DIAPH2: variants seen among roughly 807,000 people sequenced by gnomAD.
The protein encoded by DIAPH2 is protein diaphanous homolog 2.
A neutral mutation model predicts 92.7 loss-of-function variants in DIAPH2; 35 were observed. That is an observed-to-expected ratio of 0.38 (90% CI 0.29 to 0.50). The LOEUF (loss-of-function observed/expected upper bound fraction) is 0.50. Ranked by LOEUF, DIAPH2 falls within the 20% of genes least tolerant of loss-of-function variation. The pLI is 0.94. For synonymous variants in DIAPH2, 301 were observed against 280.4 expected, an observed-to-expected ratio of 1.07 and a Z score of -0.73; for missense variants, 701 against 819.5, an observed-to-expected ratio of 0.86 and a Z score of 1.77.
At chrX:97,132,703 A>G (rs906816740) in intron 21 of DIAPH2, among the ~76,000 whole-genome samples, 14 of 112,035 alleles carry the variant, frequency 1.2e-4, no homozygotes, top group Non-Finnish European at 2.3e-4. Flanking sequence ...TATAATAGGG[A>G]AAAAGGAAGC....
chrX:96,978,147 A>G (rs1418774072), intron 17 of DIAPH2, among the ~76,000 whole-genome samples: 8 of 111,995 alleles, frequency 7.1e-5, no homozygotes, highest in Non-Finnish European at 1.1e-4. Context: ...TATAAGAAGA[A>G]TAAGAGATTT....
intron 26 of DIAPH2, among the ~76,000 whole-genome samples, chrX:97,546,885 G>A (rs1261277909): frequency 6.3e-5 from 7 of 111,113 alleles, no homozygotes; most frequent in African/African-American, 2.3e-4. Flanking sequence ...TAAGGTGGAA[G>A]AGTGTATTTC....
intron 22 of DIAPH2, among the ~76,000 whole-genome samples, chrX:97,196,006 T>C (rs934250405): frequency 8.9e-6 from 1 of 111,900 alleles, no homozygotes; most frequent in Non-Finnish European, 1.9e-5. Flanking sequence ...AAGCATTCTT[T>C]GCAAGATTTA....
chrX:96,690,195 A>C (rs1408841584), intron 1 of DIAPH2, among the ~76,000 whole-genome samples: 1 of 110,757 alleles, frequency 9.0e-6, no homozygotes, highest in Non-Finnish European at 1.9e-5. Flanking sequence ...GTAACATTTT[A>C]CTCTTATTAG....
chrX:96,745,080 C>T (rs1371832720), intron 3 of DIAPH2, among the ~76,000 whole-genome samples: 2 of 106,322 alleles, frequency 1.9e-5, no homozygotes, highest in Non-Finnish European at 3.9e-5. Context: ...GATCTTGGTT[C>T]ATTGCAACCT....
chrX:96,768,104 T>C (rs947070427), intron 4 of DIAPH2, among the ~76,000 whole-genome samples: 1 of 112,378 alleles, frequency 8.9e-6, no homozygotes, highest in Non-Finnish European at 1.9e-5. Context: ...AGAAAACAGC[T>C]AAAATGATTG....
At chrX:97,231,364 C>A (rs370270703) in intron 22 of DIAPH2, among the ~76,000 whole-genome samples, 1 of 108,115 alleles carries the variant, frequency 9.2e-6, no homozygotes, top group East Asian at 2.9e-4. Context: ...ATAGTTCAGT[C>A]ATCTCTTAAC....
chrX:96,785,475 C>CTTTTTTTTTTTTTTT lies in DIAPH2; in HGVS notation c.447+27225_447+27239dup, dbSNP rs1157552270. 7.0e-5 allele frequency among the ~76,000 whole-genome samples: 4 copies of CTTTTTTTTTTTTTTT among 57,203 alleles called. 1 individual carries two copies. The highest frequency in any genetic ancestry group is 1.6e-3 in the East Asian group (2 of 1,261). 49.7% of individuals were successfully genotyped at this position (57,203 alleles called of 115,157 possible). A position where few individuals can be genotyped will look rare whatever the true frequency, so the allele number is the denominator to read the frequency against. On this transcript the variant is annotated intron_variant, in intron 4 of 26. Transcript: ENST00000324765. ...AGAGACAAAAGGTGGCCAAACTTGC[C>CTTTTTTTTTTTTTTT]TTTTTTTTTTTTTTTTTTTTTTGGA...
At chrX:96,830,494 C>T (rs2064845456) in intron 4 of DIAPH2, among the ~76,000 whole-genome samples, 2 of 100,410 alleles carry the variant, frequency 2.0e-5, no homozygotes, top group South Asian at 4.9e-4. Context: ...TGACGTGAAC[C>T]CAGGAGGCGG....
chrX:97,172,525 A>G (rs775048934), intron 22 of DIAPH2, among the ~76,000 whole-genome samples: 21 of 111,987 alleles, frequency 1.9e-4, no homozygotes, highest in Non-Finnish European at 3.9e-4. Context: ...TCCTTTTCAA[A>G]TATTATACTC....
chrX:96,841,760 G>C (rs1359868039), intron 4 of DIAPH2, among the ~76,000 whole-genome samples: 1 of 112,125 alleles, frequency 8.9e-6, no homozygotes, highest in Non-Finnish European at 1.9e-5. Context: ...TGTCATGCGT[G>C]TCCCTGTGAA....
intron 26 of DIAPH2, among the ~76,000 whole-genome samples, chrX:97,497,651 C>T (rs1185638791): frequency 9.1e-6 from 1 of 110,319 alleles, no homozygotes; most frequent in East Asian, 2.8e-4. Context: ...ACTAAGAATA[C>T]AAAAATTAGC....
At chrX:97,571,619 G>A (rs1216343511) in intron 26 of DIAPH2, among the ~76,000 whole-genome samples, 2 of 110,995 alleles carry the variant, frequency 1.8e-5, no homozygotes, top group East Asian at 2.8e-4. Context: ...TGTTATTAAA[G>A]AAATTCTTTT....
intron 17 of DIAPH2, among the ~76,000 whole-genome samples, chrX:96,995,014 A>G (rs747344497): frequency 1.8e-5 from 2 of 111,511 alleles, no homozygotes; most frequent in African/African-American, 6.5e-5. Context: ...TTAATTGCTG[A>G]ATGCTAACAT....
intron 17 of DIAPH2, among the ~76,000 whole-genome samples, chrX:97,070,947 G>A (rs1428574875): frequency 9.0e-6 from 1 of 111,585 alleles, no homozygotes; most frequent in Admixed American, 9.5e-5. Context: ...GGTTAGTCAG[G>A]ATCCTGTTAG....
At chrX:96,691,918 A>G (rs987533068) in intron 1 of DIAPH2, among the ~76,000 whole-genome samples, 16 of 111,844 alleles carry the variant, frequency 1.4e-4, no homozygotes, top group African/African-American at 4.9e-4. Context: ...CCCAAGGGAG[A>G]AGAGATTTTG....
At chrX:96,701,815 G>A (rs1420774836) in intron 1 of DIAPH2, among the ~76,000 whole-genome samples, 1 of 111,932 alleles carries the variant, frequency 8.9e-6, no homozygotes, top group Non-Finnish European at 1.9e-5. Context: ...GGGATAGAGA[G>A]AGGGAACTAA....
chrX:97,100,718 G>A (rs548600), intron 20 of DIAPH2, among the ~76,000 whole-genome samples: 4 of 110,275 alleles, frequency 3.6e-5, no homozygotes, highest in Non-Finnish European at 5.7e-5. Flanking sequence ...CATTTTCAGC[G>A]TTATCCAAAA....
intron 25 of DIAPH2, among the ~76,000 whole-genome samples, chrX:97,425,947 T>C (rs760424602): frequency 1.1e-3 from 119 of 110,470 alleles, no homozygotes; most frequent in Non-Finnish European, 1.8e-3. Flanking sequence ...ATATACTTTT[T>C]CAGGGTAGGT....
Sources: gnomAD v4.1 joint callset for allele counts (sites outside exome capture counted in the v4.1 genomes callset) on GRCh38, gnomAD v4.1.1 for gene constraint, MANE v1.5 for transcripts, NCBI Gene and HGNC (gene_info 2026-07-23, HGNC 2026-07-21) for gene names.